The following TSPAN9 variants were observed in gnomAD, a reference collection of about 807,000 sequenced individuals.
TSPAN9 encodes tetraspanin-9.
Under a neutral mutation model 31.0 loss-of-function variants are expected in TSPAN9, and 16 were observed. The observed-to-expected ratio is 0.52, with a 90% CI of 0.35 to 0.78. TSPAN9 has a LOEUF of 0.78. Ranked by LOEUF, TSPAN9 falls within the 30% of genes least tolerant of loss-of-function variation. The pLI, the probability that TSPAN9 is intolerant of heterozygous loss-of-function variation, is 0.01. For missense variants in TSPAN9, 272 were observed against 312.5 expected, an observed-to-expected ratio of 0.87 and a Z score of 0.98; for synonymous variants, 145 against 121.6, an observed-to-expected ratio of 1.19 and a Z score of -1.27.
At chr12:3,174,861 C>T (rs980504265) in intron 2 of TSPAN9, among the ~76,000 whole-genome samples, 4 of 152,180 alleles carry the variant, frequency 2.6e-5, no homozygotes, top group East Asian at 1.9e-4. Context: ...GGATTACAGG[C>T]GTGAGCCACC....
At chr12:3,275,843 C>T (rs538748735) in intron 3 of TSPAN9, among the ~76,000 whole-genome samples, 1 of 152,370 alleles carries the variant, frequency 6.6e-6, no homozygotes, top group East Asian at 1.9e-4. Flanking sequence ...CCCTGCAGCT[C>T]CTTGCACTGT....
intron 3 of TSPAN9, among the ~76,000 whole-genome samples, chr12:3,265,412 G>A (rs997281389): frequency 9.2e-5 from 14 of 152,292 alleles, no homozygotes; most frequent in African/African-American, 3.4e-4. Context: ...GCGCCCTCTG[G>A]AAAACAAATG....
chr12:3,188,693 C>T (rs991097527), intron 2 of TSPAN9, among the ~76,000 whole-genome samples: 1 of 152,108 alleles, frequency 6.6e-6, no homozygotes, highest in African/African-American at 2.4e-5. Flanking sequence ...CCTCACGGAG[C>T]CCAGCCACAT....
At chr12:3,102,742 G>A (rs2098312448) in intron 2 of TSPAN9, among the ~76,000 whole-genome samples, 1 of 152,154 alleles carries the variant, frequency 6.6e-6, no homozygotes, top group Non-Finnish European at 1.5e-5. Context: ...TGGCCCCAGG[G>A]AGGAATGTTT....
chr12:3,196,010 G>A (rs897639779), intron 2 of TSPAN9, among the ~76,000 whole-genome samples: 4 of 152,178 alleles, frequency 2.6e-5, no homozygotes, highest in East Asian at 1.9e-4. Context: ...AAGGTGGGTC[G>A]CTTCAGCTAG....
chr12:3,153,541 TATG>T (rs775860612), intron 2 of TSPAN9, among the ~76,000 whole-genome samples: 29 of 150,712 alleles, frequency 1.9e-4, no homozygotes, highest in Non-Finnish European at 3.3e-4. Context: ...TCATCACAAT[TATG>T]ATCATCATCA....
chr12:3,106,770 C>CGACAA (rs2153964921), intron 2 of TSPAN9, among the ~76,000 whole-genome samples: 1 of 150,162 alleles, frequency 6.7e-6, no homozygotes, highest in African/African-American at 2.5e-5. Flanking sequence ...GACCCTGTCT[C>CGACAA]GACAAAACAA....
chr12:3,242,104 C>T (rs73047004), intron 3 of TSPAN9, among the ~76,000 whole-genome samples: 8,989 of 152,332 alleles, frequency 0.059, 364 homozygotes, highest in Non-Finnish European at 0.077. Flanking sequence ...CATCAGGGGT[C>T]TCCCGGTTAG....
chr12:3,217,954 T>C (rs1565618234), intron 3 of TSPAN9, among the ~76,000 whole-genome samples: 1 of 152,128 alleles, frequency 6.6e-6, no homozygotes, highest in Non-Finnish European at 1.5e-5. Context: ...TCTAGATGGG[T>C]TCAAGGAGCA....
intron 3 of TSPAN9, among the ~76,000 whole-genome samples, chr12:3,268,750 C>T (rs1862598141): frequency 9.3e-6 from 1 of 107,004 alleles, no homozygotes; most frequent in African/African-American, 3.3e-5. Flanking sequence ...GCAGCCTGCC[C>T]TCCGTGCGTT....
At chr12:3,234,346 C>T (rs1253095079) in intron 3 of TSPAN9, among the ~76,000 whole-genome samples, 2 of 152,330 alleles carry the variant, frequency 1.3e-5, no homozygotes, top group African/African-American at 4.8e-5. Flanking sequence ...TTCTCAGGTG[C>T]ACTTAACAGC....
At chr12:3,152,740 C>T (rs11062536) in intron 2 of TSPAN9, among the ~76,000 whole-genome samples, 1 of 152,222 alleles carries the variant, frequency 6.6e-6, no homozygotes, top group Admixed American at 6.5e-5. Context: ...ATGCCTACCA[C>T]TATGCCCGGC....
chr12:3,163,223 G>C (rs1409031674), intron 2 of TSPAN9, among the ~76,000 whole-genome samples: 1 of 152,176 alleles, frequency 6.6e-6, no homozygotes, highest in African/African-American at 2.4e-5. Flanking sequence ...ATTCCCCGTT[G>C]CTCTCTGGCT....
intron 3 of TSPAN9, among the ~76,000 whole-genome samples, chr12:3,263,003 C>T (rs368727239): frequency 2.0e-5 from 3 of 152,194 alleles, no homozygotes; most frequent in Non-Finnish European, 4.4e-5. Flanking sequence ...AATGGCAGCA[C>T]GTCTCAGGCC....
chr12:3,260,230 T>C (rs1486621685), intron 3 of TSPAN9, among the ~76,000 whole-genome samples: 1 of 152,244 alleles, frequency 6.6e-6, no homozygotes, highest in African/African-American at 2.4e-5. Context: ...TGGCATAGTT[T>C]GTGCTTAATA....
intron 2 of TSPAN9, among the ~76,000 whole-genome samples, chr12:3,156,828 C>G (rs1001612026): frequency 2.6e-5 from 4 of 151,936 alleles, no homozygotes; most frequent in Non-Finnish European, 4.4e-5. Flanking sequence ...TGAATGGAAT[C>G]TGGAGATGAA....
intron 2 of TSPAN9, among the ~76,000 whole-genome samples, chr12:3,095,941 G>A (rs1262363313): frequency 2.0e-5 from 3 of 150,242 alleles, no homozygotes; most frequent in East Asian, 3.9e-4. Flanking sequence ...GGTGGCGGCC[G>A]GGCAGAGGCT....
At chr12:3,194,580 TCTCA>T (rs1483802484) in intron 2 of TSPAN9, among the ~76,000 whole-genome samples, 1 of 152,094 alleles carries the variant, frequency 6.6e-6, no homozygotes, top group Non-Finnish European at 1.5e-5. Context: ...AGAGATAAGG[TCTCA>T]CTATGTTCCC....
chr12:3,199,723 G>T (rs975555033), intron 2 of TSPAN9, among the ~76,000 whole-genome samples: 1 of 152,144 alleles, frequency 6.6e-6, no homozygotes, highest in South Asian at 2.1e-4. Context: ...CCTTGTGTGC[G>T]CGCCCGTGCG....
Sources: allele counts gnomAD v4.1 joint callset (sites outside exome capture counted in the v4.1 genomes callset), GRCh38; gene constraint gnomAD v4.1.1; transcripts MANE v1.5; gene names NCBI Gene and HGNC (gene_info 2026-07-23, HGNC 2026-07-21).